The following CTNNA3 variants were observed in gnomAD, a reference collection of about 807,000 sequenced individuals.
CTNNA3 encodes the protein catenin alpha 3.
A neutral mutation model predicts 95.7 loss-of-function variants in CTNNA3; 76 were observed. The ratio of observed to expected loss-of-function variants is 0.79; its 90% CI spans 0.66 to 0.96. The LOEUF (loss-of-function observed/expected upper bound fraction) is 0.96, where lower values mean the gene tolerates loss of function less well. Ranked by LOEUF, CTNNA3 falls within the 40% of genes least tolerant of loss-of-function variation. The pLI is 0.00. For synonymous variants in CTNNA3, 431 were observed against 374.4 expected, an observed-to-expected ratio of 1.15 and a Z score of -1.74; for missense variants, 1,191 against 1,089.8, an observed-to-expected ratio of 1.09 and a Z score of -1.31.
intron 7 of CTNNA3, among the ~76,000 whole-genome samples, chr10:67,004,612 A>G (rs1444659567): frequency 6.6e-6 from 1 of 152,224 alleles, no homozygotes; most frequent in East Asian, 1.9e-4. Flanking sequence ...AGAGGACTAC[A>G]GAACTAATCC....
chr10:67,638,185 G>A (rs182800645), intron 2 of CTNNA3, among the ~76,000 whole-genome samples: 20,068 of 151,674 alleles, frequency 0.13, 1,428 homozygotes, highest in Non-Finnish European at 0.16. Context: ...CAAGCAAATG[G>A]AAAACAAAAA....
At chr10:66,692,659 G>A (rs1338862989) in intron 9 of CTNNA3, among the ~76,000 whole-genome samples, 2 of 152,112 alleles carry the variant, frequency 1.3e-5, no homozygotes, top group African/African-American at 4.8e-5. Flanking sequence ...ACACATAATT[G>A]TCAGATTCAC....
intron 4 of CTNNA3, among the ~76,000 whole-genome samples, chr10:67,537,923 C>T (rs1840535354): frequency 6.6e-6 from 1 of 151,832 alleles, no homozygotes; most frequent in Admixed American, 6.6e-5. Flanking sequence ...TAGTAAACAG[C>T]TGCTGGTGAT....
At chr10:66,393,584 T>C (rs2092950811) in intron 11 of CTNNA3, among the ~76,000 whole-genome samples, 1 of 152,110 alleles carries the variant, frequency 6.6e-6, no homozygotes, top group Non-Finnish European at 1.5e-5. Flanking sequence ...TTTCTGAGAA[T>C]ATAACTAAGA....
intron 5 of CTNNA3, among the ~76,000 whole-genome samples, chr10:67,323,172 G>C (rs1164911048): frequency 6.6e-6 from 1 of 152,100 alleles, no homozygotes; most frequent in Non-Finnish European, 1.5e-5. Context: ...TAGGTTGTCT[G>C]TTGACTCTTT....
intron 13 of CTNNA3, among the ~76,000 whole-genome samples, chr10:66,199,791 A>ATATATATATATG (rs2087235961): frequency 8.1e-5 from 1 of 12,342 alleles, no homozygotes; most frequent in Non-Finnish European, 1.5e-4. Flanking sequence ...ATATATATAT[A>ATATATATATATG]TATATATATA....
At chr10:66,062,970 T>C (rs1248219397) in intron 15 of CTNNA3, among the ~76,000 whole-genome samples, 1 of 152,008 alleles carries the variant, frequency 6.6e-6, no homozygotes, top group Non-Finnish European at 1.5e-5. Context: ...ATGCCAACAG[T>C]AAGATATTAA....
chr10:66,006,855 T>A (rs531935520), intron 15 of CTNNA3, among the ~76,000 whole-genome samples: 2 of 152,374 alleles, frequency 1.3e-5, no homozygotes, highest in South Asian at 2.1e-4. Flanking sequence ...AAGGTCCAGA[T>A]GAAGAAACAC....
chr10:65,944,044 A>G (rs1369614420), intron 17 of CTNNA3, among the ~76,000 whole-genome samples: 1 of 152,262 alleles, frequency 6.6e-6, no homozygotes, highest in Non-Finnish European at 1.5e-5. Flanking sequence ...TACCTCTTCT[A>G]TAAATGTCCC....
intron 10 of CTNNA3, among the ~76,000 whole-genome samples, chr10:66,573,843 C>T (rs1033051754): frequency 2.6e-5 from 4 of 152,032 alleles, no homozygotes; most frequent in African/African-American, 9.7e-5. Context: ...TTTTTTTAAG[C>T]ATGCCTTTGG....
chr10:66,099,128 A>G (rs2133726065), intron 14 of CTNNA3, among the ~76,000 whole-genome samples: 1 of 152,352 alleles, frequency 6.6e-6, no homozygotes, highest in East Asian at 1.9e-4. Flanking sequence ...CAGAGTCTGC[A>G]TGATCCAAGA....
intron 15 of CTNNA3, among the ~76,000 whole-genome samples, chr10:66,048,455 T>A (rs1485051858): frequency 1.3e-5 from 2 of 152,050 alleles, no homozygotes; most frequent in African/African-American, 2.4e-5. Flanking sequence ...CTCTTCCTTA[T>A]ACCACATACA....
chr10:66,321,188 T>C (rs2092179288), intron 12 of CTNNA3, among the ~76,000 whole-genome samples: 1 of 152,032 alleles, frequency 6.6e-6, no homozygotes, highest in Non-Finnish European at 1.5e-5. Context: ...GGACCATCTT[T>C]GTTGAATAGG....
At position 65,924,674 on chromosome 10, in the gene CTNNA3, T is replaced by G. The variant is rs528463522; in HGVS notation, c.2401-4057A>C. Reference sequence around the variant, plus strand: ...ATTTCCCTAACACTGAGCCAACAGGTGACTGTCTACCATTTTTAGAGAATC... The same window carrying G: ...ATTTCCCTAACACTGAGCCAACAGGGGACTGTCTACCATTTTTAGAGAATC... On this transcript the variant is annotated intron_variant, in intron 17 of 17. Coordinates refer to ENST00000433211, the MANE Select transcript of CTNNA3 (RefSeq NM_013266.4). 4.6e-5 allele frequency among the ~76,000 whole-genome samples: 7 copies of G among 152,320 alleles called. No homozygotes were observed. The East Asian group carries it at 1.4e-3, about 29-fold the overall frequency.
intron 13 of CTNNA3, among the ~76,000 whole-genome samples, chr10:66,108,392 A>T (rs1450672943): frequency 6.6e-6 from 1 of 151,788 alleles, no homozygotes; most frequent in African/African-American, 2.4e-5. Context: ...CTTTCCACTT[A>T]AGACTCTTTG....
chr10:65,948,143 T>C (rs562369931), intron 17 of CTNNA3, among the ~76,000 whole-genome samples: 20 of 151,636 alleles, frequency 1.3e-4, no homozygotes, highest in Admixed American at 8.5e-4. Flanking sequence ...TAGCTGGGCG[T>C]GGTGGTGGGC....
intron 10 of CTNNA3, among the ~76,000 whole-genome samples, chr10:66,586,689 G>A (rs1843369868): frequency 6.6e-6 from 1 of 152,052 alleles, no homozygotes. Flanking sequence ...TGTTGGGTGA[G>A]GGGAAAAAGA....
At chr10:67,442,217 G>C (rs1824090406) in intron 5 of CTNNA3, among the ~76,000 whole-genome samples, 1 of 151,520 alleles carries the variant, frequency 6.6e-6, no homozygotes, top group Non-Finnish European at 1.5e-5. Context: ...TGAAAAAACA[G>C]ACAACAAATA....
At chr10:66,119,678 T>C (rs2082490861) in intron 13 of CTNNA3, among the ~76,000 whole-genome samples, 1 of 152,144 alleles carries the variant, frequency 6.6e-6, no homozygotes. Context: ...AATTCAGTCA[T>C]TCTTAGGTAA....
Sources: gnomAD v4.1 joint callset for allele counts (sites outside exome capture counted in the v4.1 genomes callset) on GRCh38, gnomAD v4.1.1 for gene constraint, MANE v1.5 for transcripts, NCBI Gene and HGNC (gene_info 2026-07-23, HGNC 2026-07-21) for gene names.